The following RPRD2 variants were observed in gnomAD, a reference collection of about 807,000 sequenced individuals.
RPRD2 encodes the protein regulation of nuclear pre-mRNA domain containing 2, also known as regulation of nuclear pre-mRNA domain-containing protein 2.
A neutral mutation model predicts 104.4 loss-of-function variants in RPRD2; 12 were observed. The observed-to-expected ratio is 0.11, with a 90% confidence interval of 0.07 to 0.19. The LOEUF (loss-of-function observed/expected upper bound fraction) is 0.19, where lower values mean the gene tolerates loss of function less well. Ranked by LOEUF, RPRD2 falls within the 10% of genes least tolerant of loss-of-function variation. The pLI is 1.00. For synonymous variants in RPRD2, 714 were observed against 684.9 expected (o/e 1.04, Z -0.66); for missense variants, 1,543 against 1,790.1 (o/e 0.86, Z 2.49).
chr1:150,449,895 A>G (rs982515685), intron 7 of RPRD2, among the ~76,000 whole-genome samples: 6 of 152,122 alleles, frequency 3.9e-5, no homozygotes. Flanking sequence ...TAGTATGTAT[A>G]TTGGATCTCA....
chr1:150,398,535 TCCTTTCCCTTTC>T (rs587626283), intron 1 of RPRD2, among the ~76,000 whole-genome samples: 1 of 151,130 alleles, frequency 6.6e-6, no homozygotes, highest in African/African-American at 2.4e-5. Context: ...TTTCCTTCCT[TCCTTTCCCTTTC>T]CCTTTCCCTT....
At chr1:150,402,190 C>T (rs1663088182) in intron 1 of RPRD2, among the ~76,000 whole-genome samples, 1 of 152,042 alleles carries the variant, frequency 6.6e-6, no homozygotes, top group Non-Finnish European at 1.5e-5. Flanking sequence ...GAACTCCTGA[C>T]CTTGTGATCC....
chr1:150,449,100 C>A (rs1666989549), intron 7 of RPRD2, among the ~76,000 whole-genome samples: 1 of 152,050 alleles, frequency 6.6e-6, no homozygotes, highest in Non-Finnish European at 1.5e-5. Flanking sequence ...CCCTTCTATA[C>A]ATTAAAAGAA....
In RPRD2 at chr1:150,471,498, G is replaced by A; in HGVS notation, c.2550G>A (p.Glu850=). The A allele has an allele frequency of 6.2e-7, 1 of 1,613,826 alleles. No individual in the cohort carries two copies. The highest frequency in any genetic ancestry group is 8.5e-7 in the Non-Finnish European group (1 of 1,179,870). Residue 850 remains glutamate (E), a synonymous_variant, in exon 11 of 11, where the codon GAG becomes GAA. Transcript: ENST00000369068. This position sits in a 1 kb window ranked among gnomAD's most constrained non-coding sequence, Gnocchi z 5.3. The part of the protein sequence containing the change: ...GPPPSAMMNL[E]KKPAKSILKS... ...CACCCTCTGCCATGATGAACCTAGA[G>A]AAGAAACCAGCCAAATCTATCCTGA... is the stretch of plus-strand genomic sequence containing the variant.
Position 150,472,611 on chromosome 1 carries a change from G to A in RPRD2, c.3663G>A (p.Lys1221=), listed in dbSNP as rs968275063. ...GPSSAPPVPP[K]DHGGIFSRDA... ...CATCTGCCCCACCTGTCCCTCCTAA[G>A]GATCATGGTGGTATCTTCTCTCGAG... is the stretch of plus-strand genomic sequence containing the variant. The change falls in exon 11 of 11, where the codon AAG becomes AAA. Residue 1221 remains lysine, a synonymous_variant. Transcript: ENST00000369068. 9 of 1,613,772 alleles carry A rather than the reference G, an allele frequency of 5.6e-6. No individual in the cohort carries two copies. The highest frequency in any genetic ancestry group is 7.6e-6 in the Non-Finnish European group (9 of 1,179,852).
chr1:150,421,653 G>C (rs960736164), intron 2 of RPRD2, among the ~76,000 whole-genome samples: 1 of 152,112 alleles, frequency 6.6e-6, no homozygotes, highest in African/African-American at 2.4e-5. Context: ...AAATTATAAA[G>C]TATATGGTAA....
At chr1:150,464,379 TGTA>T in intron 9 of RPRD2, 145 bp from the exon 10 acceptor site, 1 of 453,360 alleles carries the variant, frequency 2.2e-6, no homozygotes, top group East Asian at 3.5e-5. Context: ...TTTTTTTTTT[TGTA>T]CATGTCATGT....
chr1:150,388,917 T>C (rs1422368385), intron 1 of RPRD2, among the ~76,000 whole-genome samples: 5 of 152,156 alleles, frequency 3.3e-5, no homozygotes, highest in Non-Finnish European at 7.3e-5. Flanking sequence ...TATGTAATTA[T>C]TAAGAGTCCA....
chr1:150,460,416 G>A (rs1667850758), intron 9 of RPRD2, 99 bp downstream of exon 9: 6 of 1,243,478 alleles, frequency 4.8e-6, no homozygotes, highest in Non-Finnish European at 5.6e-6. Flanking sequence ...TGTTGTTGTT[G>A]TTGTTTAGAC....
At chr1:150,373,509 G>C (rs1412045084) in intron 1 of RPRD2, among the ~76,000 whole-genome samples, 6 of 146,750 alleles carry the variant, frequency 4.1e-5, no homozygotes, top group Admixed American at 1.4e-4. Flanking sequence ...TGGGGTGAGA[G>C]AGGAGGAGAA....
At chr1:150,365,457 C>G (rs587720385) in intron 1 of RPRD2, among the ~76,000 whole-genome samples, 2 of 152,274 alleles carry the variant, frequency 1.3e-5, no homozygotes, top group East Asian at 1.9e-4. Flanking sequence ...CTACATAGAT[C>G]TGAGGCACCA....
At chr1:150,450,605 CAAAA>C (rs1186175962) in intron 7 of RPRD2, among the ~76,000 whole-genome samples, 4 of 50,562 alleles carry the variant, frequency 7.9e-5, no homozygotes, top group Admixed American at 5.6e-4. Flanking sequence ...GACTCCGTCT[CAAAA>C]AAAAAAAAAA....
intron 4 of RPRD2, among the ~76,000 whole-genome samples, chr1:150,442,839 C>T (rs1437463144): frequency 6.6e-6 from 1 of 152,038 alleles, no homozygotes; most frequent in Non-Finnish European, 1.5e-5. Flanking sequence ...TTATTTGTCA[C>T]CAATTTTCTT....
At chr1:150,383,057 A>G (rs1553881104) in intron 1 of RPRD2, among the ~76,000 whole-genome samples, 1 of 151,994 alleles carries the variant, frequency 6.6e-6, no homozygotes. Flanking sequence ...CAGTGGTGCG[A>G]TCATGGCTCA....
chr1:150,396,889 C>T (rs944713221), intron 1 of RPRD2, among the ~76,000 whole-genome samples: 3 of 151,866 alleles, frequency 2.0e-5, no homozygotes, highest in East Asian at 1.9e-4. Flanking sequence ...AATTCTCAAA[C>T]GAGACACACT....
chr1:150,436,264 C>G (rs1299987715), intron 2 of RPRD2, among the ~76,000 whole-genome samples: 1 of 152,122 alleles, frequency 6.6e-6, no homozygotes, highest in Non-Finnish European at 1.5e-5. Context: ...TTATTCTGCC[C>G]ATGGTTAAAG....
chr1:150,418,114 C>T (rs950069722), intron 2 of RPRD2, among the ~76,000 whole-genome samples: 2 of 152,022 alleles, frequency 1.3e-5, no homozygotes, highest in African/African-American at 2.4e-5. Context: ...ACTACAGGTG[C>T]GTGCTACCAT....
At position 150,471,709 on chromosome 1, in the gene RPRD2, A is replaced by G; in HGVS notation, c.2761A>G (p.Asn921Asp). 6.2e-7 allele frequency: 1 copy of G among 1,613,758 alleles called. No individual in the cohort carries two copies. Among genetic ancestry groups the G allele is most frequent in the Non-Finnish European group, 8.5e-7 (1 of 1,179,850 alleles). Reference protein sequence around the residue: ...GLFGAFSVRGNEPGSDRSPSP... With the variant: ...GLFGAFSVRGDEPGSDRSPSP... ...ATTTGGTGCCTTCAGCGTAAGAGGG[A>G]ATGAACCTGGGTCTGACCGGTCACC... Residue 921 changes from asparagine to aspartate, a missense_variant, in exon 11 of 11, where the codon AAT (asparagine) becomes GAT (aspartate). Around this residue, in one of 4 missense-constraint regions of RPRD2, gnomAD observed 880 missense variants for 885.6 expected, o/e 0.99. Transcript: ENST00000369068. The surrounding 1 kb of genome is among the most constrained non-coding windows in gnomAD (Gnocchi z 5.3).
chr1:150,409,805 C>G (rs1461183807), intron 1 of RPRD2, among the ~76,000 whole-genome samples: 1 of 151,810 alleles, frequency 6.6e-6, no homozygotes, highest in African/African-American at 2.4e-5. Flanking sequence ...CCACCACACC[C>G]GGCTAATTTT....
Sources: gnomAD v4.1 joint callset for allele counts (sites outside exome capture counted in the v4.1 genomes callset) on GRCh38, gnomAD v4.1.1 for gene constraint, gnomAD v4.1.1 regional missense constraint, Gnocchi (gnomAD v3.1) non-coding constraint, MANE v1.5 for transcripts, NCBI Gene and HGNC (gene_info 2026-07-23, HGNC 2026-07-21) for gene names.